The following FGF2 variants were observed in gnomAD, a reference collection of about 807,000 sequenced individuals.
FGF2 encodes the protein fibroblast growth factor 2.
Under a neutral mutation model 15.9 loss-of-function variants are expected in FGF2, and 13 were observed. The ratio of observed to expected loss-of-function variants is 0.82; its 90% CI spans 0.53 to 1.30. The LOEUF is 1.30. FGF2 is among the 50% of genes most tolerant of loss of function. The pLI is 0.00. For missense variants in FGF2, 163 were observed against 196.9 expected (o/e 0.83, Z 1.03); for synonymous variants, 90 against 78.4 (o/e 1.15, Z -0.78).
At chr4:122,850,051 C>T (rs946312981) in intron 1 of FGF2, among the ~76,000 whole-genome samples, 2 of 152,146 alleles carry the variant, frequency 1.3e-5, no homozygotes, top group Admixed American at 6.5e-5. Flanking sequence ...TGCTTGAGCT[C>T]AGGAGTTTGA....
intron 1 of FGF2, among the ~76,000 whole-genome samples, chr4:122,863,777 G>A (rs190667084): frequency 1.6e-4 from 24 of 152,288 alleles, no homozygotes; most frequent in Admixed American, 1.6e-3. Flanking sequence ...AGTGGGGGCT[G>A]GTGAGGCAAG....
chr4:122,893,097 G>A lies in FGF2; in HGVS notation c.*701G>A, dbSNP rs746508996. 1.4e-5 allele frequency: 23 copies of A among 1,613,984 alleles called. No homozygotes were observed. The highest frequency in any genetic ancestry group is 3.3e-5 in the Admixed American group (2 of 59,996). ...ATGGTGAATGAATATGGCTTTAGGC[G>A]GCAGATGATATACATATCTGACTTC... On this transcript the variant is annotated 3_prime_UTR_variant, in exon 3 of 3. Transcript: ENST00000644866.
chr4:122,854,649 A>G (rs946488664), intron 1 of FGF2, among the ~76,000 whole-genome samples: 7 of 152,146 alleles, frequency 4.6e-5, no homozygotes, highest in Admixed American at 1.3e-4. Context: ...CACCCAGCAT[A>G]TGTCATGCAG....
intron 1 of FGF2, among the ~76,000 whole-genome samples, chr4:122,835,307 C>T (rs903397600): frequency 2.6e-5 from 4 of 152,196 alleles, no homozygotes; most frequent in South Asian, 2.1e-4. Context: ...TACTTTTGCC[C>T]ATCCAACTGT....
chr4:122,895,597 T>G lies in FGF2; in HGVS notation c.*3201T>G, dbSNP rs908473028. ...CTCTTCCTGCCAGTGGTAATACGATTTTTTAAGAAGGCAGTTTGTCAATTT... is the reference window on the plus strand; with the variant it reads ...CTCTTCCTGCCAGTGGTAATACGATGTTTTAAGAAGGCAGTTTGTCAATTT... On this transcript the variant is annotated 3_prime_UTR_variant, in exon 3 of 3. Coordinates refer to ENST00000644866, the MANE Select transcript of FGF2 (RefSeq NM_001361665.2). 2 of 152,224 alleles carry G rather than the reference T, an allele frequency of 1.3e-5. No homozygotes were observed. Among genetic ancestry groups the G allele is most frequent in the African/African-American group, 4.8e-5 (2 of 41,452 alleles). The allele number at this position is 152,224 out of a possible 1,614,324, so 9.4% of individuals were successfully genotyped here.
At chr4:122,850,193 C>T (rs535510070) in intron 1 of FGF2, among the ~76,000 whole-genome samples, 32 of 150,854 alleles carry the variant, frequency 2.1e-4, no homozygotes, top group Admixed American at 1.4e-3. Flanking sequence ...ACCTGGGAGG[C>T]GGAGGTTGCA....
chr4:122,873,425 T>C (rs1448583385), intron 1 of FGF2, among the ~76,000 whole-genome samples: 1 of 152,248 alleles, frequency 6.6e-6, no homozygotes, highest in Non-Finnish European at 1.5e-5. Flanking sequence ...GGAAGCTCTA[T>C]GGGAAAGAAC....
intron 1 of FGF2, among the ~76,000 whole-genome samples, chr4:122,855,175 T>G (rs1212684216): frequency 6.6e-6 from 1 of 152,168 alleles, no homozygotes; most frequent in Non-Finnish European, 1.5e-5. Flanking sequence ...CATGAGGCAC[T>G]TACTTAATTA....
At position 122,827,747 on chromosome 4, in the gene FGF2, CG is replaced by C. The variant is rs993223664; in HGVS notation, c.178+396del. On this transcript the variant is annotated intron_variant, in intron 1 of 2. Coordinates refer to ENST00000644866, the MANE Select transcript of FGF2 (RefSeq NM_001361665.2). This position sits in a 1 kb window ranked among gnomAD's most constrained non-coding sequence, Gnocchi z 4.2. ...TCCCGGGGACAAAGACAGGAAGGAC[CG>C]CAGCAGAACGAAACGGTCTTTACTG... 2.6e-5 allele frequency among the ~76,000 whole-genome samples: 4 copies of C among 152,180 alleles called. No homozygotes were observed. The highest frequency in any genetic ancestry group is 1.5e-5 in the Non-Finnish European group (1 of 68,028).
At chr4:122,872,865 C>T (rs1578473259) in intron 1 of FGF2, among the ~76,000 whole-genome samples, 1 of 152,172 alleles carries the variant, frequency 6.6e-6, no homozygotes. Flanking sequence ...TACCGGAGCT[C>T]CTGAAAGGAG....
chr4:122,890,106 GA>G (rs1358262360), intron 2 of FGF2: 1 of 152,106 alleles, frequency 6.6e-6, no homozygotes, highest in African/African-American at 2.4e-5. Flanking sequence ...GAAAAGGGAA[GA>G]TTTTTTTTTC....
chr4:122,868,406 T>C (rs1489559004), intron 1 of FGF2, among the ~76,000 whole-genome samples: 1 of 152,174 alleles, frequency 6.6e-6, no homozygotes, highest in Non-Finnish European at 1.5e-5. Context: ...TTGCTGAGGG[T>C]GATGGCTTCT....
intron 1 of FGF2, among the ~76,000 whole-genome samples, chr4:122,828,251 T>C (rs75316764): frequency 0.017 from 2,580 of 152,244 alleles, 80 homozygotes; most frequent in African/African-American, 0.059. Context: ...ATTTCTAACA[T>C]GTTCCCCGGG....
chr4:122,896,050 G>C lies in FGF2; in HGVS notation c.*3654G>C, dbSNP rs1727340521. 6.6e-6 allele frequency: 1 copy of C among 152,582 alleles called. No homozygotes were observed. The highest frequency in any genetic ancestry group is 2.4e-5 in the African/African-American group (1 of 41,452). The allele number at this position is 152,582 out of a possible 1,614,324, so 9.5% of individuals were successfully genotyped here. ...GCTTTCAGGGTTTTATGAATTTTCAGGCAAAGCTTTAATTTACACTAAGCT... is the reference window on the plus strand; with the variant it reads ...GCTTTCAGGGTTTTATGAATTTTCACGCAAAGCTTTAATTTACACTAAGCT... On this transcript the variant is annotated 3_prime_UTR_variant, in exon 3 of 3. Coordinates refer to ENST00000644866, the MANE Select transcript of FGF2 (RefSeq NM_001361665.2).
intron 1 of FGF2, among the ~76,000 whole-genome samples, chr4:122,842,358 A>AT (rs1157913833): frequency 1.3e-5 from 2 of 152,232 alleles, no homozygotes; most frequent in Admixed American, 6.5e-5. Context: ...ATTTTGTCAG[A>AT]TTCTCAAAAG....
chr4:122,850,238 G>T (rs308433), intron 1 of FGF2, among the ~76,000 whole-genome samples: 17,427 of 151,256 alleles, frequency 0.12, 1,199 homozygotes, highest in South Asian at 0.24. Context: ...CTCCATCCTG[G>T]GCAACAAAGT....
At chr4:122,855,427 A>G (rs1450774726) in intron 1 of FGF2, among the ~76,000 whole-genome samples, 2 of 152,244 alleles carry the variant, frequency 1.3e-5, no homozygotes, top group African/African-American at 2.4e-5. Context: ...CTCACATTTC[A>G]AAATATCAGC....
At chr4:122,891,028 TTTTTTTTGTTTTG>T (rs1727166128) in intron 2 of FGF2, among the ~76,000 whole-genome samples, 3 of 134,612 alleles carry the variant, frequency 2.2e-5, no homozygotes, top group South Asian at 2.9e-4. Flanking sequence ...TATCTTTTTT[TTTTTTTTGTTTTG>T]TTTTGTTTTG....
chr4:122,827,573 A>C lies in FGF2; in HGVS notation c.178+221A>C, dbSNP rs1725670078. On this transcript the variant is annotated intron_variant, in intron 1 of 2. Coordinates refer to ENST00000644866, the MANE Select transcript of FGF2 (RefSeq NM_001361665.2). This position sits in a 1 kb window ranked among gnomAD's most constrained non-coding sequence, Gnocchi z 4.2. ...TGTCCCCTGGGCTTTGGGGTGTGCC[A>C]ATTTGCCCTGTAAACCAGTACCCCC... Among the ~76,000 whole-genome samples the C allele has an allele frequency of 6.6e-6, 1 of 151,654 alleles. No individual in the cohort carries two copies.
Sources: gnomAD v4.1 joint callset for allele counts (sites outside exome capture counted in the v4.1 genomes callset) on GRCh38, gnomAD v4.1.1 for gene constraint, Gnocchi (gnomAD v3.1) non-coding constraint, MANE v1.5 for transcripts, NCBI Gene and HGNC (gene_info 2026-07-23, HGNC 2026-07-21) for gene names.